SOX6: variants seen among roughly 807,000 people sequenced by gnomAD.
SOX6 encodes transcription factor SOX-6.
A neutral mutation model predicts 97.8 loss-of-function variants in SOX6; 11 were observed. The observed-to-expected ratio is 0.11, with a 90% CI of 0.07 to 0.19. The LOEUF (loss-of-function observed/expected upper bound fraction) is 0.19, where lower values mean the gene tolerates loss of function less well. Ranked by LOEUF, SOX6 falls within the 10% of genes least tolerant of loss-of-function variation. SOX6 has a pLI of 1.00. For missense variants in SOX6, 810 were observed against 1,039.5 expected (o/e 0.78, Z 3.04); for synonymous variants, 360 against 371.4 (o/e 0.97, Z 0.35).
At chr11:16,049,297 T>C (rs1191294415) in intron 11 of SOX6, among the ~76,000 whole-genome samples, 1 of 152,210 alleles carries the variant, frequency 6.6e-6, no homozygotes, top group African/African-American at 2.4e-5. Context: ...ATATCAATAG[T>C]ATTTCATATA....
intron 3 of SOX6, among the ~76,000 whole-genome samples, chr11:16,294,611 T>A (rs1204031852): frequency 6.6e-6 from 1 of 152,060 alleles, no homozygotes; most frequent in Non-Finnish European, 1.5e-5. Flanking sequence ...TTAAATGAAG[T>A]TGCCAGTTTT....
intron 4 of SOX6, among the ~76,000 whole-genome samples, chr11:16,229,697 A>C (rs1262756671): frequency 6.6e-6 from 1 of 151,934 alleles, no homozygotes; most frequent in African/African-American, 2.4e-5. Context: ...TCTTCTCTTT[A>C]AAAATTAATT....
intron 3 of SOX6, among the ~76,000 whole-genome samples, chr11:16,692,679 G>C (rs1288173933): frequency 6.6e-6 from 1 of 152,110 alleles, no homozygotes; most frequent in Admixed American, 6.5e-5. Context: ...CTCCCCAAAA[G>C]GTGTTTTGGT....
intron 1 of SOX6, among the ~76,000 whole-genome samples, chr11:16,424,962 G>A (rs890970705): frequency 3.9e-5 from 6 of 152,120 alleles, no homozygotes; most frequent in Admixed American, 6.6e-5. Flanking sequence ...TCAAAACAAC[G>A]GGCAGCTGTG....
intron 3 of SOX6, among the ~76,000 whole-genome samples, chr11:16,283,028 T>C (rs1416665652): frequency 1.0e-5 from 1 of 97,156 alleles, no homozygotes; most frequent in Non-Finnish European, 2.4e-5. Context: ...AGTATATATA[T>C]ATATATATAT....
chr11:16,645,405 A>G (rs1590034482), intron 3 of SOX6, among the ~76,000 whole-genome samples: 2 of 152,196 alleles, frequency 1.3e-5, no homozygotes, highest in Admixed American at 6.5e-5. Context: ...ATGAACATCC[A>G]ATTTCTAGAT....
At chr11:15,981,200 G>A (rs1277501964) in intron 15 of SOX6, among the ~76,000 whole-genome samples, 3 of 152,060 alleles carry the variant, frequency 2.0e-5, no homozygotes, top group African/African-American at 4.8e-5. Flanking sequence ...AACAGGAATA[G>A]CTGGCAGGTA....
intron 1 of SOX6, among the ~76,000 whole-genome samples, chr11:16,407,314 C>G (rs918312214): frequency 3.9e-5 from 6 of 152,142 alleles, no homozygotes; most frequent in African/African-American, 7.2e-5. Flanking sequence ...CTCTATGCTT[C>G]CTCCAAGAGC....
rs1365636570 is a variant in SOX6, at chr11:15,986,867, A to G, written c.1967-447T>C. Among the ~76,000 whole-genome samples, 3 of 152,198 alleles carry G rather than the reference A, an allele frequency of 2.0e-5. No homozygotes were observed. In the East Asian group the frequency reaches 5.8e-4, roughly 29 times the overall value. On this transcript the variant is annotated intron_variant, in intron 14 of 15. Transcript: ENST00000683767. ...TTTAGTGAAACTATCCTTTGACAAG[A>G]TGTCAGCAGATGTTGAAATCATTCC...
chr11:16,070,602 G>A (rs187729205), intron 9 of SOX6, among the ~76,000 whole-genome samples: 1 of 152,224 alleles, frequency 6.6e-6, no homozygotes, highest in Admixed American at 6.5e-5. Flanking sequence ...AGAAACAAAA[G>A]GGTTAGTGAA....
chr11:16,221,638 A>T (rs1253221210), intron 4 of SOX6, among the ~76,000 whole-genome samples: 1 of 152,166 alleles, frequency 6.6e-6, no homozygotes, highest in Non-Finnish European at 1.5e-5. Flanking sequence ...AGTAAAAGTA[A>T]TTGACAGTAT....
intron 4 of SOX6, 144 bp from the exon 5 acceptor site, chr11:16,187,099 C>T: frequency 1.2e-6 from 1 of 842,398 alleles, no homozygotes; most frequent in East Asian, 2.5e-5. Flanking sequence ...GGTACAGGAA[C>T]ACCAGAGAGT....
intron 3 of SOX6, chr11:16,318,191 G>A: frequency 2.0e-6 from 1 of 502,420 alleles, no homozygotes; most frequent in South Asian, 2.2e-5. Context: ...TAGGATTATG[G>A]TCAGTTTAAA....
intron 4 of SOX6, among the ~76,000 whole-genome samples, chr11:16,534,103 T>A (rs973361326): frequency 2.6e-5 from 4 of 152,152 alleles, no homozygotes; most frequent in Admixed American, 6.6e-5. Flanking sequence ...CAACACTGTA[T>A]TAGATAGAAT....
chr11:16,074,159 G>A (rs996276573), intron 9 of SOX6, among the ~76,000 whole-genome samples: 2 of 151,966 alleles, frequency 1.3e-5, no homozygotes, highest in Non-Finnish European at 2.9e-5. Context: ...AACAAACCTG[G>A]TAGTTTGTTA....
chr11:16,519,732 TGGGTCAGATAAC>T (rs1861029102), intron 4 of SOX6, among the ~76,000 whole-genome samples: 2 of 152,202 alleles, frequency 1.3e-5, no homozygotes, highest in Admixed American at 1.3e-4. Flanking sequence ...GCGAGATTGC[TGGGTCAGATAAC>T]GGTAGTTTTA....
chr11:16,050,650 A>G (rs1646816017), intron 10 of SOX6, among the ~76,000 whole-genome samples: 1 of 152,190 alleles, frequency 6.6e-6, no homozygotes, highest in Admixed American at 6.5e-5. Context: ...ATATTTACAG[A>G]ATGTCTATTT....
At chr11:16,424,400 T>C (rs1859082633) in intron 1 of SOX6, among the ~76,000 whole-genome samples, 1 of 152,180 alleles carries the variant, frequency 6.6e-6, no homozygotes, top group South Asian at 2.1e-4. Flanking sequence ...AATGGTATTT[T>C]AAGATAACAA....
At chr11:16,402,545 C>T (rs564520882) in intron 1 of SOX6, 83 of 1,091,418 alleles carry the variant, frequency 7.6e-5, no homozygotes, top group Non-Finnish European at 1.1e-4. Context: ...AGAAGCAAAC[C>T]ACCCAAAGCA....
Sources: gnomAD v4.1 joint callset for allele counts (sites outside exome capture counted in the v4.1 genomes callset) on GRCh38, gnomAD v4.1.1 for gene constraint, MANE v1.5 for transcripts, NCBI Gene and HGNC (gene_info 2026-07-23, HGNC 2026-07-21) for gene names.